Variants in DDX31 observed in about 807,000 individuals in gnomAD.
DDX31 encodes the protein DEAD-box helicase 31, also known as ATP-dependent DNA helicase DDX31.
A neutral mutation model predicts 91.3 loss-of-function variants in DDX31; 70 were observed. The observed-to-expected ratio is 0.77, with a 90% confidence interval of 0.63 to 0.94. The LOEUF is 0.94. DDX31 is among the 40% of genes least tolerant of loss of function. The pLI, the probability that DDX31 is intolerant of heterozygous loss-of-function variation, is 0.00. For missense variants in DDX31, 902 were observed against 925.0 expected (o/e 0.98, Z 0.32); for synonymous variants, 362 against 350.6 (o/e 1.03, Z -0.36).
chr9:132,631,008 C>T (rs906601870), intron 15 of DDX31, among the ~76,000 whole-genome samples: 4 of 152,220 alleles, frequency 2.6e-5, no homozygotes, highest in African/African-American at 9.7e-5. Flanking sequence ...GGGCAGGTTC[C>T]CTGCAGGTAG....
At chr9:132,621,388 A>C (rs1311844511) in intron 17 of DDX31, among the ~76,000 whole-genome samples, 1 of 152,198 alleles carries the variant, frequency 6.6e-6, no homozygotes, top group East Asian at 1.9e-4. Context: ...TGAAAGATCA[A>C]ATTTATTCTC....
At chr9:132,654,029 G>T (rs1039426793) in intron 6 of DDX31, among the ~76,000 whole-genome samples, 8 of 152,128 alleles carry the variant, frequency 5.3e-5, no homozygotes, top group African/African-American at 1.9e-4. Context: ...TTTTATATCA[G>T]CAAGAAAAAG....
chr9:132,656,528 T>C (rs970775471), intron 6 of DDX31, among the ~76,000 whole-genome samples: 7 of 151,990 alleles, frequency 4.6e-5, no homozygotes, highest in African/African-American at 1.7e-4. Context: ...AGCTCAACCC[T>C]GATCCCAGCC....
chr9:132,650,401 G>C, intron 8 of DDX31, 103 bp from the exon 9 acceptor site: 1 of 1,066,198 alleles, frequency 9.4e-7, no homozygotes, highest in Non-Finnish European at 1.4e-6. Flanking sequence ...GGAGAAAACT[G>C]GTGCTTCTCA....
chr9:132,630,745 C>T (rs1353490317), intron 15 of DDX31, among the ~76,000 whole-genome samples: 1 of 152,214 alleles, frequency 6.6e-6, no homozygotes, highest in East Asian at 1.9e-4. Context: ...AAAATGTAGG[C>T]AGGTGGGGGT....
chr9:132,669,450 A>G, intron 1 of DDX31: 1 of 559,398 alleles, frequency 1.8e-6, no homozygotes, highest in South Asian at 1.9e-5. Flanking sequence ...GACTCTTCCC[A>G]GACAGGAATG....
At chr9:132,652,777 G>A (rs1834290050) in intron 6 of DDX31, among the ~76,000 whole-genome samples, 1 of 152,166 alleles carries the variant, frequency 6.6e-6, no homozygotes, top group African/African-American at 2.4e-5. Context: ...TAATGAATAA[G>A]TCTCACGAGA....
chr9:132,628,592 T>C (rs1392702952), intron 16 of DDX31, among the ~76,000 whole-genome samples: 2 of 152,096 alleles, frequency 1.3e-5, no homozygotes, highest in Non-Finnish European at 2.9e-5. Context: ...TAGAGAAAAA[T>C]GAAGAGAGCA....
At chr9:132,657,035 T>A (rs1223630796) in intron 6 of DDX31, among the ~76,000 whole-genome samples, 1 of 152,226 alleles carries the variant, frequency 6.6e-6, no homozygotes, top group Non-Finnish European at 1.5e-5. Context: ...TCCAGCCTTT[T>A]TATGCATGCA....
chr9:132,637,853 C>T, intron 14 of DDX31: 2 of 986,716 alleles, frequency 2.0e-6, no homozygotes, highest in Non-Finnish European at 2.4e-6. Flanking sequence ...AAAAAGCATA[C>T]CCCAGAGAAA....
chr9:132,631,172 CTA>C (rs1360003196), intron 15 of DDX31, among the ~76,000 whole-genome samples: 2 of 152,204 alleles, frequency 1.3e-5, no homozygotes, highest in East Asian at 3.8e-4. Flanking sequence ...TCATTCTTCC[CTA>C]TGTTTTCCCT....
chr9:132,648,834 T>C (rs1242288901), intron 9 of DDX31, among the ~76,000 whole-genome samples: 1 of 152,200 alleles, frequency 6.6e-6, no homozygotes, highest in East Asian at 1.9e-4. Context: ...ATCTGACTCA[T>C]AAATCCTCTC....
intron 14 of DDX31, among the ~76,000 whole-genome samples, chr9:132,639,798 T>C (rs913428493): frequency 1.3e-5 from 2 of 152,238 alleles, no homozygotes; most frequent in African/African-American, 4.8e-5. Flanking sequence ...CAGCATGTTA[T>C]GGGTCAAAGA....
chr9:132,652,459 G>A lies in DDX31; in HGVS notation c.622C>T (p.Pro208Ser). ...SDGPYALVLV[P>S]TRELALQSFD... is the part of the protein sequence containing the mutation. ...GGGAGCCTGCTTACCTCTCTCGTTG[G>A]CACGAGCACCAGGGCATAGGGGCCA... Residue 208 changes from proline to serine, a missense_variant, in exon 7 of 20, where the codon CCA (proline) becomes TCA (serine). Pro to Ser is a moderately conservative substitution (Grantham distance 74). Coordinates refer to ENST00000372159, the MANE Select transcript of DDX31 (RefSeq NM_022779.9). The A allele has an allele frequency of 6.2e-7, 1 of 1,614,168 alleles. No individual in the cohort carries two copies. Among genetic ancestry groups the A allele is most frequent in the Admixed American group, 1.7e-5 (1 of 60,028 alleles).
intron 1 of DDX31, among the ~76,000 whole-genome samples, chr9:132,665,767 A>T (rs1835264098): frequency 6.6e-6 from 1 of 152,206 alleles, no homozygotes; most frequent in African/African-American, 2.4e-5. Flanking sequence ...AGTAGTTACT[A>T]TATGCCAAGG....
At position 132,612,271 on chromosome 9, in the gene DDX31, GC is replaced by G; in HGVS notation, c.1826-17del. On this transcript the variant is annotated splice_polypyrimidine_tract_variant and intron_variant, in intron 18 of 19. Coordinates refer to ENST00000372159, the MANE Select transcript of DDX31 (RefSeq NM_022779.9). The stretch of plus-strand genomic sequence containing the variant: ...GACTGCAGAGCTGAAAGAAAAGAGA[GC>G]GGGGAGGGAAGCTGTCAGGACCGGG... 6.2e-7 allele frequency: 1 copy of G among 1,614,122 alleles called. No individual in the cohort carries two copies. The highest frequency in any genetic ancestry group is 1.7e-5 in the Admixed American group (1 of 60,024).
chr9:132,650,097 A>G lies in DDX31; in HGVS notation c.740+137T>C, dbSNP rs949574184. 1.2e-5 allele frequency: 10 copies of G among 812,840 alleles called. No individual in the cohort carries two copies. The Admixed American group carries it at 1.8e-4, about 15-fold the overall frequency. 50.4% of individuals were successfully genotyped at this position (812,840 alleles called of 1,614,324 possible). On this transcript the variant is annotated intron_variant, in intron 9 of 19. Transcript: ENST00000372159. Reference sequence around the variant, plus strand: ...GAGGTGACCGCTCCCCACTGACTCAATCTGTCCCTGTGCACCGGGACTAGG... The same window carrying G: ...GAGGTGACCGCTCCCCACTGACTCAGTCTGTCCCTGTGCACCGGGACTAGG...
At chr9:132,636,235 T>C (rs1468513307) in intron 14 of DDX31, among the ~76,000 whole-genome samples, 1 of 152,256 alleles carries the variant, frequency 6.6e-6, no homozygotes. Flanking sequence ...TGAAGGCTGA[T>C]GTTGCAGAGC....
chr9:132,615,427 C>A (rs1831573302), intron 18 of DDX31, among the ~76,000 whole-genome samples: 1 of 152,174 alleles, frequency 6.6e-6, no homozygotes, highest in African/African-American at 2.4e-5. Context: ...CCAACACCTA[C>A]AGCGACAACT....
Sources: allele counts gnomAD v4.1 joint callset (sites outside exome capture counted in the v4.1 genomes callset), GRCh38; gene constraint gnomAD v4.1.1; transcripts MANE v1.5; gene names NCBI Gene and HGNC (gene_info 2026-07-23, HGNC 2026-07-21).